Variants in ANKRD55 observed in about 807,000 individuals in gnomAD.
The protein encoded by ANKRD55 is ankyrin repeat domain-containing protein 55.
In ANKRD55, 41 loss-of-function variants were observed where a neutral mutation model predicts 60.6. The ratio of observed to expected loss-of-function variants is 0.68; its 90% confidence interval spans 0.53 to 0.88. ANKRD55 has a LOEUF of 0.88. ANKRD55 is among the 40% of genes least tolerant of loss of function. The pLI is 0.00. For missense variants in ANKRD55, 732 were observed against 767.6 expected, an observed-to-expected ratio of 0.95 and a Z score of 0.55; for synonymous variants, 264 against 290.3, an observed-to-expected ratio of 0.91 and a Z score of 0.92.
intron 2 of ANKRD55, among the ~76,000 whole-genome samples, chr5:56,200,015 A>G (rs1759329119): frequency 6.6e-6 from 1 of 152,220 alleles, no homozygotes. Context: ...TGAAATGTGT[A>G]AAAGTCCGTA....
chr5:56,163,895 C>T (rs954948939), intron 5 of ANKRD55, among the ~76,000 whole-genome samples: 5 of 152,120 alleles, frequency 3.3e-5, no homozygotes, highest in African/African-American at 1.2e-4. Context: ...AGTTTGAGAC[C>T]AGCCTGGCTA....
intron 2 of ANKRD55, among the ~76,000 whole-genome samples, chr5:56,191,596 A>C (rs1275444223): frequency 2.6e-5 from 4 of 152,200 alleles, no homozygotes; most frequent in Non-Finnish European, 5.9e-5. Context: ...TTATTATTAG[A>C]GCTTATAAAA....
At chr5:56,182,490 T>G (rs1044433738) in intron 3 of ANKRD55, among the ~76,000 whole-genome samples, 3 of 152,234 alleles carry the variant, frequency 2.0e-5, no homozygotes, top group Non-Finnish European at 4.4e-5. Flanking sequence ...TTCTTTAGTT[T>G]TAAGCATGTT....
chr5:56,197,399 T>C (rs1473214743), intron 2 of ANKRD55, among the ~76,000 whole-genome samples: 2 of 152,170 alleles, frequency 1.3e-5, no homozygotes, highest in East Asian at 3.8e-4. Flanking sequence ...CAATTGTTAG[T>C]AAAAACAATT....
intron 5 of ANKRD55, among the ~76,000 whole-genome samples, chr5:56,164,839 T>G (rs1397837928): frequency 6.6e-6 from 1 of 152,214 alleles, no homozygotes; most frequent in East Asian, 1.9e-4. Flanking sequence ...CTGTGCATCT[T>G]TGCTTTTGTA....
At chr5:56,206,991 A>G (rs1039969548) in intron 2 of ANKRD55, among the ~76,000 whole-genome samples, 2 of 152,196 alleles carry the variant, frequency 1.3e-5, no homozygotes, top group African/African-American at 2.4e-5. Flanking sequence ...CTGGGATACA[A>G]TGATAGAACC....
chr5:56,205,730 A>C (rs1759489217), intron 2 of ANKRD55, among the ~76,000 whole-genome samples: 1 of 152,162 alleles, frequency 6.6e-6, no homozygotes, highest in East Asian at 1.9e-4. Context: ...TACTGTGCCC[A>C]CTTATAAAAC....
intron 2 of ANKRD55, among the ~76,000 whole-genome samples, chr5:56,190,481 A>C (rs1759068980): frequency 6.6e-6 from 1 of 152,170 alleles, no homozygotes; most frequent in Non-Finnish European, 1.5e-5. Context: ...TCTTTGATCC[A>C]TTTTGAGTTA....
rs763859759 is a variant in ANKRD55, at chr5:56,111,141, C to A, written c.1607G>T (p.Arg536Leu). ...HQEVSVPPHL[R>L]HLHNPSSGQN... ...ACCTGATGATGGATTATGTAGATGG[C>A]GAAGGTGTGGTGGCACGGAGACCTC... The change falls in exon 10 of 12, where the codon CGC becomes CTC. Residue 536 changes from arginine (R) to leucine (L), a missense_variant. Physicochemically the swap from Arg to Leu is moderately radical, Grantham distance 102. This residue lies in a region of ANKRD55 where 597 missense variants were observed against 607.5 expected (regional missense o/e 0.98). Transcript: ENST00000341048. The A allele has an allele frequency of 7.4e-6, 12 of 1,613,568 alleles. No homozygotes were observed. Among genetic ancestry groups the A allele is most frequent in the Non-Finnish European group, 1.0e-5 (12 of 1,179,746 alleles).
intron 9 of ANKRD55, among the ~76,000 whole-genome samples, chr5:56,112,504 CAAAAA>C (rs1187255213): frequency 3.9e-5 from 1 of 25,698 alleles, no homozygotes; most frequent in African/African-American, 1.8e-4. Flanking sequence ...TCATCTCTAG[CAAAAA>C]AAAAAAAAAA....
chr5:56,108,067 T>C lies in ANKRD55; in HGVS notation c.1630+3051A>G, dbSNP rs184331118. Among the ~76,000 whole-genome samples, 5 of 152,120 alleles carry C rather than the reference T, an allele frequency of 3.3e-5. No homozygotes were observed. In the East Asian group the frequency reaches 7.7e-4, roughly 24 times the overall value. On this transcript the variant is annotated intron_variant, in intron 10 of 11. Transcript: ENST00000341048. ...TTTGTATTTTTTGTAGAGACGAAGCTTAACCACGTTGCCCAGGCTGGTCTT... is the reference window on the plus strand; with the variant it reads ...TTTGTATTTTTTGTAGAGACGAAGCCTAACCACGTTGCCCAGGCTGGTCTT...
intron 2 of ANKRD55, among the ~76,000 whole-genome samples, chr5:56,185,383 C>G (rs1235171714): frequency 3.3e-5 from 5 of 151,860 alleles, no homozygotes; most frequent in African/African-American, 9.7e-5. Flanking sequence ...AGCATAGCCA[C>G]TGTTCAGGTG....
intron 7 of ANKRD55, chr5:56,137,187 G>C: frequency 6.2e-7 from 1 of 1,607,032 alleles, no homozygotes; most frequent in Non-Finnish European, 8.5e-7. Context: ...TGGCAAGTGT[G>C]CCCAGGCCAA....
chr5:56,172,413 A>G (rs1164727845), intron 4 of ANKRD55, among the ~76,000 whole-genome samples: 1 of 152,230 alleles, frequency 6.6e-6, no homozygotes, highest in Non-Finnish European at 1.5e-5. Flanking sequence ...ATTAAAAGAA[A>G]TGAGACTCAG....
At chr5:56,228,898 C>T (rs932470180) in intron 2 of ANKRD55, among the ~76,000 whole-genome samples, 1 of 152,284 alleles carries the variant, frequency 6.6e-6, no homozygotes, top group South Asian at 2.1e-4. Context: ...TCCAGCAACT[C>T]GACAAGAGAA....
chr5:56,106,834 T>C (rs948100770), intron 10 of ANKRD55, among the ~76,000 whole-genome samples: 1 of 151,826 alleles, frequency 6.6e-6, no homozygotes, highest in African/African-American at 2.4e-5. Context: ...AGTGAGACCC[T>C]TGTCTCTACA....
chr5:56,211,261 G>A (rs917966426), intron 2 of ANKRD55, among the ~76,000 whole-genome samples: 1 of 152,220 alleles, frequency 6.6e-6, no homozygotes, highest in Non-Finnish European at 1.5e-5. Flanking sequence ...CGCTGGTACT[G>A]CATTGCTCAT....
chr5:56,202,345 T>C (rs1441410501), intron 2 of ANKRD55, among the ~76,000 whole-genome samples: 1 of 152,116 alleles, frequency 6.6e-6, no homozygotes, highest in East Asian at 1.9e-4. Context: ...GTGCCTGTTG[T>C]TATTATTATC....
At position 56,232,938 on chromosome 5, in the gene ANKRD55, T is replaced by C. The variant is rs1561302352; in HGVS notation, c.-25A>G. On this transcript the variant is annotated 5_prime_UTR_variant, in exon 2 of 12. It removes an upstream start codon present in the reference 5' UTR. Transcript: ENST00000341048. ...TTTACCATCAGAATGGCAAAAAGCA[T>C]CCAGGTCTCTAGAGAGGAGAAAACA... The C allele has an allele frequency of 6.2e-7, 1 of 1,611,762 alleles. No individual in the cohort carries two copies. Among genetic ancestry groups the C allele is most frequent in the Non-Finnish European group, 8.5e-7 (1 of 1,177,982 alleles).
Sources: allele counts gnomAD v4.1 joint callset (sites outside exome capture counted in the v4.1 genomes callset), GRCh38; gene constraint gnomAD v4.1.1; regional missense constraint gnomAD v4.1.1; transcripts MANE v1.5; gene names NCBI Gene and HGNC (gene_info 2026-07-23, HGNC 2026-07-21).